The following SYT5 variants were observed in gnomAD, a reference collection of about 807,000 sequenced individuals.
SYT5 encodes synaptotagmin-5.
A neutral mutation model predicts 36.0 loss-of-function variants in SYT5; 29 were observed. That is an observed-to-expected ratio of 0.81 (90% CI 0.60 to 1.10). The LOEUF is 1.10. Among genes scored for constraint, SYT5 ranks in the 50% least tolerant of loss-of-function variants. The pLI, the probability that SYT5 is intolerant of heterozygous loss-of-function variation, is 0.00. For synonymous variants in SYT5, 231 were observed against 227.6 expected (o/e 1.02, Z -0.14); for missense variants, 512 against 516.0 (o/e 0.99, Z 0.08).
Position 55,173,347 on chromosome 19 carries a change from G to A in SYT5, c.*137C>T, listed in dbSNP as rs2086025315. The A allele has an allele frequency of 6.2e-6, 4 of 650,050 alleles. No homozygotes were observed. Among genetic ancestry groups the A allele is most frequent in the Non-Finnish European group, 6.8e-6 (3 of 441,218 alleles). 40.3% of individuals were successfully genotyped at this position (650,050 alleles called of 1,614,324 possible). A position where few individuals can be genotyped will look rare whatever the true frequency, so the allele number is the denominator to read the frequency against. The stretch of plus-strand genomic sequence containing the variant: ...GGGGTGAGAAGACAGGAATGGTTCA[G>A]ATGGTTGGGGTGGAAGGTGGGGGGA... On this transcript the variant is annotated 3_prime_UTR_variant, in exon 9 of 9. Transcript: ENST00000354308. This position sits in a 1 kb window ranked among gnomAD's most constrained non-coding sequence, Gnocchi z 5.4.
chr19:55,173,699 G>A lies in SYT5; in HGVS notation c.961-15C>T. 2 of 1,367,554 alleles carry A rather than the reference G, an allele frequency of 1.5e-6. No homozygotes were observed. The highest frequency in any genetic ancestry group is 1.9e-6 in the Non-Finnish European group (2 of 1,053,550). The allele number at this position is 1,367,554 out of a possible 1,614,324, so 84.7% of individuals were successfully genotyped here. ...ACCTGCACCTTCTGGGGTGGGCGCG[G>A]GAGGAAGAGGAGAGAGGAGCGTGAG... On this transcript the variant is annotated splice_polypyrimidine_tract_variant and intron_variant, in intron 8 of 8. Transcript: ENST00000354308. The surrounding 1 kb of genome is among the most constrained non-coding windows in gnomAD (Gnocchi z 5.4).
chr19:55,173,211 G>A lies in SYT5; in HGVS notation c.*273C>T. ...ATTGTCAAAGCAGGGGGCAGGACCCGGGGGCAGGAGAAACCAGGCTGCCTT... is the reference window on the plus strand; with the variant it reads ...ATTGTCAAAGCAGGGGGCAGGACCCAGGGGCAGGAGAAACCAGGCTGCCTT... On this transcript the variant is annotated 3_prime_UTR_variant, in exon 9 of 9. Coordinates refer to ENST00000354308, the MANE Select transcript of SYT5 (RefSeq NM_003180.3). The surrounding 1 kb of genome is among the most constrained non-coding windows in gnomAD (Gnocchi z 5.4). 2.6e-6 allele frequency: 1 copy of A among 378,338 alleles called. No individual in the cohort carries two copies. Among genetic ancestry groups the A allele is most frequent in the Non-Finnish European group, 4.7e-6 (1 of 213,240 alleles). 23.4% of individuals were successfully genotyped at this position (378,338 alleles called of 1,614,324 possible).
At chr19:55,174,674 T>C in intron 7 of SYT5, 24 bp from the exon 8 acceptor site, 1 of 1,613,920 alleles carries the variant, frequency 6.2e-7, no homozygotes, top group Non-Finnish European at 8.5e-7. Flanking sequence ...GGAGGAGTCT[T>C]ATAGCTCCCC....
chr19:55,178,079 G>A (rs1352715766), intron 3 of SYT5, 117 bp downstream of exon 3: 6 of 1,177,902 alleles, frequency 5.1e-6, no homozygotes, highest in African/African-American at 3.1e-5. Context: ...CAGGGAGGAT[G>A]AGCCAGTAAG....
At position 55,172,083 on chromosome 19, in the gene SYT5, A is replaced by G. The variant is rs2086010150; in HGVS notation, c.*1401T>C. On this transcript the variant is annotated 3_prime_UTR_variant, in exon 9 of 9. Transcript: ENST00000354308. ...CAACAACAGCGAAACTCCGTCTCAA[A>G]ATTAAAAAAAAGAAGAAGAGAAGAA... 1 of 149,934 alleles carries G rather than the reference A, an allele frequency of 6.7e-6. No individual in the cohort carries two copies. The highest frequency in any genetic ancestry group is 2.2e-4 in the South Asian group (1 of 4,638). 9.3% of individuals were successfully genotyped at this position (149,934 alleles called of 1,614,324 possible).
chr19:55,177,850 C>T (rs536339686), intron 3 of SYT5, among the ~76,000 whole-genome samples: 3 of 152,312 alleles, frequency 2.0e-5, no homozygotes, highest in South Asian at 4.1e-4. Flanking sequence ...CCACCGCACC[C>T]GGCCCAGAGC....
At position 55,173,527 on chromosome 19, in the gene SYT5, G is replaced by C; in HGVS notation, c.1118C>G (p.Ser373Trp). ...CCTCACTCGGTCCGGGGGCCGCAGC[G>C]AGTGCCACTGGGCAATGGGCCGCCG... ...NPRRPIAQWH[S>W]LRPPDRVRLL... Residue 373 changes from serine (S) to tryptophan (W), a missense_variant, in exon 9 of 9, where the codon TCG becomes TGG. Physicochemically the swap from Ser to Trp is radical, Grantham distance 177 (BLOSUM62 -3). Transcript: ENST00000354308. This position sits in a 1 kb window ranked among gnomAD's most constrained non-coding sequence, Gnocchi z 5.4. The C allele has an allele frequency of 7.1e-7, 1 of 1,412,108 alleles. No homozygotes were observed. The highest frequency in any genetic ancestry group is 1.6e-5 in the South Asian group (1 of 64,286). 87.5% of individuals were successfully genotyped at this position (1,412,108 alleles called of 1,614,324 possible).
intron 3 of SYT5, chr19:55,177,577 T>TTATTTATC (rs1284335414): frequency 2.2e-4 from 34 of 152,122 alleles, no homozygotes; most frequent in Admixed American, 2.2e-3. Context: ...ATTTATTTAT[T>TTATTTATC]TATCTATTTA....
At chr19:55,176,650 T>TCTGA (rs1233707300) in intron 3 of SYT5, among the ~76,000 whole-genome samples, 1 of 152,204 alleles carries the variant, frequency 6.6e-6, no homozygotes, top group African/African-American at 2.4e-5. Flanking sequence ...TGGCAAAATG[T>TCTGA]CTGAGGTCAC....
At chr19:55,176,702 A>G (rs1250903181) in intron 3 of SYT5, among the ~76,000 whole-genome samples, 1 of 152,192 alleles carries the variant, frequency 6.6e-6, no homozygotes, top group African/African-American at 2.4e-5. Context: ...TGCTAGTGCC[A>G]GAATTTGCAT....
At position 55,178,192 on chromosome 19, in the gene SYT5, A is replaced by C; in HGVS notation, c.252+4T>G. On this transcript the variant is annotated splice_donor_region_variant and intron_variant, in intron 3 of 8. Transcript: ENST00000354308. ...CCAGGTGGAGGGGCTGGGCTGGGCC[A>C]CACCTTGTCTATGTAACTCTGGCCC... The C allele has an allele frequency of 6.2e-7, 1 of 1,606,662 alleles. No homozygotes were observed.
Position 55,179,947 on chromosome 19 carries a change from C to T in SYT5, c.-46+170G>A, listed in dbSNP as rs1010149129. On this transcript the variant is annotated intron_variant, in intron 1 of 8. Transcript: ENST00000354308. The surrounding 1 kb of genome is among the most constrained non-coding windows in gnomAD (Gnocchi z 4.5). ...TGCGCCCCACTCCCCGCCCTCGGCT[C>T]TTTGTCTTCTCCATACCTGTCTCGC... is the stretch of plus-strand genomic sequence containing the variant. 6.5e-6 allele frequency: 1 copy of T among 153,000 alleles called. No homozygotes were observed. Among genetic ancestry groups the T allele is most frequent in the African/African-American group, 2.4e-5 (1 of 41,460 alleles). The allele number at this position is 153,000 out of a possible 1,614,324, so 9.5% of individuals were successfully genotyped here.
At position 55,175,784 on chromosome 19, in the gene SYT5, G is replaced by T; in HGVS notation, c.465C>A (p.Asp155Glu). 1 of 1,614,198 alleles carries T rather than the reference G, an allele frequency of 6.2e-7. No individual in the cohort carries two copies. The highest frequency in any genetic ancestry group is 1.1e-5 in the South Asian group (1 of 91,084). The change falls in exon 5 of 9, where the codon GAC becomes GAA. Residue 155 changes from aspartate (D) to glutamate (E), a missense_variant. Transcript: ENST00000354308. This position sits in a 1 kb window ranked among gnomAD's most constrained non-coding sequence, Gnocchi z 4.5. Reference protein sequence around the residue: ...DPYVRVYLLPDKRRRYETKVH... With the variant: ...DPYVRVYLLPEKRRRYETKVH... The stretch of plus-strand genomic sequence containing the variant: ...CCTTGGTCTCGTACCGCCTCCGTTT[G>T]TCCGGCAGCAGGTAGACCCGCACAT...
rs769669495 is a variant in SYT5 at position 55,175,237 on chromosome 19, T to C, written c.643A>G (p.Ser215Gly). Residue 215 changes from serine (S) to glycine (G), a missense_variant, in exon 6 of 9, where the codon AGC becomes GGC. Ser to Gly is a moderately conservative substitution (Grantham distance 56). Coordinates refer to ENST00000354308, the MANE Select transcript of SYT5 (RefSeq NM_003180.3). This position sits in a 1 kb window ranked among gnomAD's most constrained non-coding sequence, Gnocchi z 4.5. ...DAIGEVRVPMSSVDLGRPVQA... is the reference protein window; with the variant it reads ...DAIGEVRVPMGSVDLGRPVQA... ...ACTGGCCGCCCCAGGTCCACGGAGC[T>C]CATAGGGACCCGCACCTCCCCGATG... 2 of 1,610,934 alleles carry C rather than the reference T, an allele frequency of 1.2e-6. No homozygotes were observed. Among genetic ancestry groups the C allele is most frequent in the South Asian group, 1.1e-5 (1 of 90,706 alleles).
rs1599948957 is a variant in SYT5 at position 55,179,184 on chromosome 19, C to T, written c.-45-98G>A. Reference sequence around the variant, plus strand: ...CTTTGCGCGAACAGCCGCGCAGAAACCGGACAGCCACCGCGAGTCATGCTG... The same window carrying T: ...CTTTGCGCGAACAGCCGCGCAGAAATCGGACAGCCACCGCGAGTCATGCTG... On this transcript the variant is annotated intron_variant, in intron 1 of 8. Transcript: ENST00000354308. This position sits in a 1 kb window ranked among gnomAD's most constrained non-coding sequence, Gnocchi z 4.5. 2 of 1,534,352 alleles carry T rather than the reference C, an allele frequency of 1.3e-6. No homozygotes were observed. Among genetic ancestry groups the T allele is most frequent in the African/African-American group, 2.7e-5 (2 of 72,998 alleles).
At position 55,175,882 on chromosome 19, in the gene SYT5, G is replaced by A. The variant is rs372398266; in HGVS notation, c.373-6C>T. ...TGCAGAATGCCCACCAGCAGCTGCA[G>A]GGCCCAGGCACAGTGGGGGAGGTGG... is the stretch of plus-strand genomic sequence containing the variant. On this transcript the variant is annotated splice_region_variant and splice_polypyrimidine_tract_variant and intron_variant, in intron 4 of 8. Coordinates refer to ENST00000354308, the MANE Select transcript of SYT5 (RefSeq NM_003180.3). This position sits in a 1 kb window ranked among gnomAD's most constrained non-coding sequence, Gnocchi z 4.5. The A allele has an allele frequency of 8.1e-6, 13 of 1,614,014 alleles. No individual in the cohort carries two copies. Among genetic ancestry groups the A allele is most frequent in the South Asian group, 1.1e-5 (1 of 91,090 alleles).
chr19:55,173,351 G>T lies in SYT5; in HGVS notation c.*133C>A. 1.5e-6 allele frequency: 1 copy of T among 668,864 alleles called. No homozygotes were observed. Among genetic ancestry groups the T allele is most frequent in the Non-Finnish European group, 2.2e-6 (1 of 457,528 alleles). 41.4% of individuals were successfully genotyped at this position (668,864 alleles called of 1,614,324 possible). A position where few individuals can be genotyped will look rare whatever the true frequency, so the allele number is the denominator to read the frequency against. On this transcript the variant is annotated 3_prime_UTR_variant, in exon 9 of 9. Coordinates refer to ENST00000354308, the MANE Select transcript of SYT5 (RefSeq NM_003180.3). This position sits in a 1 kb window ranked among gnomAD's most constrained non-coding sequence, Gnocchi z 5.4. The stretch of plus-strand genomic sequence containing the variant: ...TGAGAAGACAGGAATGGTTCAGATG[G>T]TTGGGGTGGAAGGTGGGGGGAGGGT...
At position 55,172,670 on chromosome 19, in the gene SYT5, T is replaced by G. The variant is rs573622398; in HGVS notation, c.*814A>C. 5.7e-4 allele frequency: 87 copies of G among 152,008 alleles called. No individual in the cohort carries two copies. Among genetic ancestry groups the G allele is most frequent in the African/African-American group, 2.1e-3 (85 of 41,436 alleles). The allele number at this position is 152,008 out of a possible 1,614,324, so 9.4% of individuals were successfully genotyped here. On this transcript the variant is annotated 3_prime_UTR_variant, in exon 9 of 9. Coordinates refer to ENST00000354308, the MANE Select transcript of SYT5 (RefSeq NM_003180.3). Reference sequence around the variant, plus strand: ...GTCGCTTGGGGGGTCAGGTCTGTGTTTGGATATTCTGGGGCCCCAGCACTC... The same window carrying G: ...GTCGCTTGGGGGGTCAGGTCTGTGTGTGGATATTCTGGGGCCCCAGCACTC...
intron 7 of SYT5, 48 bp downstream of exon 7, chr19:55,174,834 C>G: frequency 6.3e-7 from 1 of 1,593,720 alleles, no homozygotes; most frequent in Non-Finnish European, 8.6e-7. Context: ...GAACGAGAAC[C>G]CACCCCACGC....
Sources: gnomAD v4.1 joint callset for allele counts (sites outside exome capture counted in the v4.1 genomes callset) on GRCh38, gnomAD v4.1.1 for gene constraint, Gnocchi (gnomAD v3.1) non-coding constraint, MANE v1.5 for transcripts, NCBI Gene and HGNC (gene_info 2026-07-23, HGNC 2026-07-21) for gene names.